The following CIC variants were observed in gnomAD, a reference collection of about 807,000 sequenced individuals.
CIC encodes the protein protein capicua homolog.
Under a neutral mutation model 115.7 loss-of-function variants are expected in CIC, and 18 were observed. The ratio of observed to expected loss-of-function variants is 0.16; its 90% CI spans 0.11 to 0.23. The LOEUF (loss-of-function observed/expected upper bound fraction) is 0.23. CIC is among the 10% of genes least tolerant of loss of function. CIC has a pLI of 1.00. For synonymous variants in CIC, 1,076 were observed against 923.0 expected (o/e 1.17, Z -3.01); for missense variants, 2,000 against 2,159.3 (o/e 0.93, Z 1.46).
At position 42,289,169 on chromosome 19, in the gene CIC, C is replaced by T. The variant is rs781248448; in HGVS notation, c.3862-12C>T. 1.5e-5 allele frequency: 25 copies of T among 1,613,188 alleles called. No homozygotes were observed. The highest frequency in any genetic ancestry group is 2.1e-5 in the Non-Finnish European group (25 of 1,180,026). On this transcript the variant is annotated splice_polypyrimidine_tract_variant and intron_variant, in intron 8 of 20. Transcript: ENST00000681038. ...CAGCCCCGCTGAACCCTCTCTGCCACCTATCCTGCAGATGGTGTCTGGCCC... is the reference window on the plus strand; with the variant it reads ...CAGCCCCGCTGAACCCTCTCTGCCATCTATCCTGCAGATGGTGTCTGGCCC...
rs1353208938 is a variant in CIC, at chr19:42,280,318, G to C, written c.2794+5741G>C. ...GGCTGCAAGATGCTATCCCCCCTCTGAGCCTGTTTCTTGCGAAGTAGTCGG... is the reference window on the plus strand; with the variant it reads ...GGCTGCAAGATGCTATCCCCCCTCTCAGCCTGTTTCTTGCGAAGTAGTCGG... On this transcript the variant is annotated intron_variant, in intron 2 of 20. Transcript: ENST00000681038. The surrounding 1 kb of genome is among the most constrained non-coding windows in gnomAD (Gnocchi z 4.9). 1 of 152,198 alleles carries C rather than the reference G, an allele frequency of 6.6e-6. No homozygotes were observed. Among genetic ancestry groups the C allele is most frequent in the African/African-American group, 2.4e-5 (1 of 41,442 alleles). 9.4% of individuals were successfully genotyped at this position (152,198 alleles called of 1,614,324 possible).
chr19:42,272,543 G>A lies in CIC; in HGVS notation c.760G>A (p.Val254Ile). The A allele has an allele frequency of 2.5e-6, 1 of 398,596 alleles. No individual in the cohort carries two copies. The highest frequency in any genetic ancestry group is 4.4e-6 in the Non-Finnish European group (1 of 226,032). 24.7% of individuals were successfully genotyped at this position (398,596 alleles called of 1,614,324 possible). The change falls in exon 2 of 21, where the codon GTT becomes ATT. Residue 254 changes from valine to isoleucine, a missense_variant. Physicochemically the swap from Val to Ile is conservative, Grantham distance 29. Transcript: ENST00000681038. ...GGTGCCAGGCGCTGGTGTGGATGTA[G>A]TTTTGGATGCCACACCCCCACCAGG... is the stretch of plus-strand genomic sequence containing the variant. ...EGVPGAGVDV[V>I]LDATPPPGAL... is the part of the protein sequence containing the mutation.
In CIC at chr19:42,291,089, C is replaced by T. The variant is rs574832764; in HGVS notation, c.5048C>T (p.Ala1683Val). Residue 1683 changes from alanine to valine, a missense_variant, in exon 11 of 21, where the codon GCG becomes GTG. This residue lies in a region of CIC where 1,466 missense variants were observed against 1,390.4 expected (regional missense o/e 1.05). Coordinates refer to ENST00000681038, the MANE Select transcript of CIC (RefSeq NM_001386298.1). ...GGCACCCCGGGGTATGGGGCCCCTG[C>T]GCCCCCTGCTGTCCAGTTCATTGCC... is the stretch of plus-strand genomic sequence containing the variant. ...LVGTPGYGAP[A>V]PPAVQFIAQG... 6.4e-5 allele frequency: 103 copies of T among 1,613,618 alleles called. No individual in the cohort carries two copies. Among genetic ancestry groups the T allele is most frequent in the South Asian group, 1.3e-4 (12 of 91,070 alleles).
intron 2 of CIC, among the ~76,000 whole-genome samples, chr19:42,286,431 G>A (rs1490406132): frequency 6.6e-6 from 1 of 152,086 alleles, no homozygotes; most frequent in Admixed American, 6.5e-5. Context: ...CCTTGGGAGT[G>A]TGGGATGGCA....
At chr19:42,285,585 A>G (rs1305481220) in intron 2 of CIC, among the ~76,000 whole-genome samples, 1 of 152,216 alleles carries the variant, frequency 6.6e-6, no homozygotes, top group Non-Finnish European at 1.5e-5. Context: ...AGGCTTCTGA[A>G]GGCATGGGGA....
At chr19:42,277,123 C>G (rs2037012138) in intron 2 of CIC, among the ~76,000 whole-genome samples, 1 of 152,242 alleles carries the variant, frequency 6.6e-6, no homozygotes, top group Admixed American at 6.5e-5. Flanking sequence ...CTCCCTGAAT[C>G]CTCACAATGC....
chr19:42,283,283 T>C (rs548486330), intron 2 of CIC, among the ~76,000 whole-genome samples: 1 of 152,106 alleles, frequency 6.6e-6, no homozygotes, highest in African/African-American at 2.4e-5. Flanking sequence ...ACATGTTGTC[T>C]GTTTGCATGA....
At chr19:42,293,339 C>G in intron 16 of CIC, 58 bp downstream of exon 16, 4 of 1,502,712 alleles carry the variant, frequency 2.7e-6, no homozygotes, top group South Asian at 1.2e-5. Flanking sequence ...TCTCCATTGA[C>G]GTCTTTGCTT....
At chr19:42,275,575 C>T (rs946919045) in intron 2 of CIC, among the ~76,000 whole-genome samples, 3 of 152,190 alleles carry the variant, frequency 2.0e-5, no homozygotes, top group Admixed American at 6.5e-5. Context: ...TGAACAGCCA[C>T]GGACCCAGGC....
intron 2 of CIC, chr19:42,283,885 CT>C (rs1223010375): frequency 6.6e-6 from 1 of 151,822 alleles, no homozygotes; most frequent in Non-Finnish European, 1.5e-5. Flanking sequence ...TTGCATATGA[CT>C]GACGTTCCCC....
chr19:42,279,638 G>A (rs1393953344), intron 2 of CIC, among the ~76,000 whole-genome samples: 1 of 152,224 alleles, frequency 6.6e-6, no homozygotes, highest in East Asian at 1.9e-4. Context: ...TTAGCAGAAG[G>A]GTGCCGTGGA....
Position 42,289,969 on chromosome 19 carries a change from G to T in CIC, c.4191+18G>T. 6.4e-7 allele frequency: 1 copy of T among 1,569,256 alleles called. No homozygotes were observed. Among genetic ancestry groups the T allele is most frequent in the Non-Finnish European group, 8.7e-7 (1 of 1,148,506 alleles). On this transcript the variant is annotated intron_variant, in intron 10 of 20. Coordinates refer to ENST00000681038, the MANE Select transcript of CIC (RefSeq NM_001386298.1). ...GCAACAAGGTGAGGGCTTGGGTCAC[G>T]GTGCTGTCCCATCACACTCCCTCCT...
chr19:42,270,422 A>G lies in CIC; in HGVS notation c.-11+1041A>G, dbSNP rs185512166. 3.5e-3 allele frequency among the ~76,000 whole-genome samples: 535 copies of G among 152,232 alleles called. 3 individuals are homozygous for G. The highest frequency in any genetic ancestry group is 0.012 in the African/African-American group (519 of 41,524). On this transcript the variant is annotated intron_variant, in intron 1 of 20. Transcript: ENST00000681038. This position sits in a 1 kb window ranked among gnomAD's most constrained non-coding sequence, Gnocchi z 4.1. ...TTGGCTTATGGTTCTGGGTCCCCCA[A>G]CCCTCCTAGAGGCCTCTGTTTTGGC...
In CIC at chr19:42,289,211, C is replaced by T. The variant is rs199556766; in HGVS notation, c.3892C>T (p.Pro1298Ser). 1.9e-6 allele frequency: 3 copies of T among 1,613,204 alleles called. No homozygotes were observed. Among genetic ancestry groups the T allele is most frequent in the East Asian group, 2.2e-5 (1 of 44,892 alleles). Residue 1298 changes from proline (P) to serine (S), a missense_variant, in exon 9 of 21, where the codon CCA becomes TCA. Physicochemically the swap from Pro to Ser is moderately conservative, Grantham distance 74. Coordinates refer to ENST00000681038, the MANE Select transcript of CIC (RefSeq NM_001386298.1). ...MVSGPASYSGPKPSTQYGAPG... is the reference protein window; with the variant it reads ...MVSGPASYSGSKPSTQYGAPG... ...GTCTGGCCCTGCATCGTACTCTGGCCCAAAGCCTTCTACCCAGTATGGAGC... is the reference window on the plus strand; with the variant it reads ...GTCTGGCCCTGCATCGTACTCTGGCTCAAAGCCTTCTACCCAGTATGGAGC...
intron 9 of CIC, among the ~76,000 whole-genome samples, 181 bp downstream of exon 9, chr19:42,289,587 G>A (rs1292142236): frequency 6.6e-6 from 1 of 152,218 alleles, no homozygotes; most frequent in African/African-American, 2.4e-5. Context: ...GAAGCCCCCA[G>A]CCCTGCAGGA....
In CIC at chr19:42,295,354, T is replaced by C; in HGVS notation, c.*163T>C. 1.6e-6 allele frequency: 1 copy of C among 641,010 alleles called. No homozygotes were observed. Among genetic ancestry groups the C allele is most frequent in the Non-Finnish European group, 2.7e-6 (1 of 376,928 alleles). The allele number at this position is 641,010 out of a possible 1,614,324, so 39.7% of individuals were successfully genotyped here. A position where few individuals can be genotyped will look rare whatever the true frequency, so the allele number is the denominator to read the frequency against. On this transcript the variant is annotated 3_prime_UTR_variant, in exon 21 of 21. Transcript: ENST00000681038. ...TGTAAATACCCCCTTCCCTCGAAGC[T>C]CCCTCCCGGTGCTGGGGGGCAGCTG...
At position 42,274,277 on chromosome 19, in the gene CIC, G is replaced by A. The variant is rs1290889234; in HGVS notation, c.2494G>A (p.Gly832Ser). 1.8e-5 allele frequency: 7 copies of A among 398,714 alleles called. No individual in the cohort carries two copies. In the Admixed American group the frequency reaches 2.2e-4, roughly 13 times the overall value. 24.7% of individuals were successfully genotyped at this position (398,714 alleles called of 1,614,324 possible). The change falls in exon 2 of 21, where the codon GGT (glycine) becomes AGT (serine). Residue 832 changes from glycine (G) to serine (S), a missense_variant. This residue lies in a region of CIC where 222 missense variants were observed against 247.7 expected (regional missense o/e 0.90). Transcript: ENST00000681038. Reference protein sequence around the residue: ...SKFPGEVGTAGEVRAGGPGRG... With the variant: ...SKFPGEVGTASEVRAGGPGRG... The stretch of plus-strand genomic sequence containing the variant: ...ATTCCCTGGGGAGGTGGGCACTGCT[G>A]GTGAGGTGCGGGCTGGGGGACCTGG...
Position 42,289,912 on chromosome 19 carries a change from G to C in CIC, c.4152G>C (p.Glu1384Asp), listed in dbSNP as rs752136581. 11 of 1,610,308 alleles carry C rather than the reference G, an allele frequency of 6.8e-6. No homozygotes were observed. Among genetic ancestry groups the C allele is most frequent in the Middle Eastern group, 1.7e-4 (1 of 6,056 alleles). The stretch of plus-strand genomic sequence containing the variant: ...GCAAGGAGCGGGTGACCGACAGCGA[G>C]AGTGGGGACAGCTCTGGGGAGGACC... ...LKCKERVTDS[E>D]SGDSSGEDPE... Residue 1384 changes from glutamate to aspartate, a missense_variant, in exon 10 of 21, where the codon GAG becomes GAC. Glu to Asp is a conservative substitution (Grantham distance 45, BLOSUM62 2). Around this residue, in one of 8 missense-constraint regions of CIC, gnomAD observed 1,466 missense variants for 1,390.4 expected, o/e 1.05. Coordinates refer to ENST00000681038, the MANE Select transcript of CIC (RefSeq NM_001386298.1).
chr19:42,270,844 T>C lies in CIC; in HGVS notation c.-10-930T>C, dbSNP rs2146997311. Among the ~76,000 whole-genome samples, 1 of 151,632 alleles carries C rather than the reference T, an allele frequency of 6.6e-6. No individual in the cohort carries two copies. The highest frequency in any genetic ancestry group is 3.4e-3 in the Middle Eastern group (1 of 294). On this transcript the variant is annotated intron_variant, in intron 1 of 20. Transcript: ENST00000681038. This position sits in a 1 kb window ranked among gnomAD's most constrained non-coding sequence, Gnocchi z 4.1. The stretch of plus-strand genomic sequence containing the variant: ...GATGACGTGTGCGTGCTTCTGTGCG[T>C]GTGTGTGTGTTTGTGCGCGTGCGTG...
Sources: allele counts gnomAD v4.1 joint callset (sites outside exome capture counted in the v4.1 genomes callset), GRCh38; gene constraint gnomAD v4.1.1; regional missense constraint gnomAD v4.1.1; non-coding constraint Gnocchi (gnomAD v3.1); transcripts MANE v1.5; gene names NCBI Gene and HGNC (gene_info 2026-07-23, HGNC 2026-07-21).